Variants in CGNL1 observed in about 807,000 individuals in gnomAD.
CGNL1 encodes the protein cingulin like 1.
Under a neutral mutation model 141.2 loss-of-function variants are expected in CGNL1, and 132 were observed. The observed-to-expected ratio is 0.93, with a 90% CI of 0.81 to 1.08. The LOEUF is 1.08. Ranked by LOEUF, CGNL1 falls within the 50% of genes least tolerant of loss-of-function variation. The pLI is 0.00. For missense variants in CGNL1, 1,870 were observed against 1,588.6 expected, an observed-to-expected ratio of 1.18 and a Z score of -3.01; for synonymous variants, 690 against 622.1, an observed-to-expected ratio of 1.11 and a Z score of -1.63.
chr15:57,479,258 T>G, intron 8 of CGNL1, among the ~76,000 whole-genome samples: 1 of 150,768 alleles, frequency 6.6e-6, no homozygotes, highest in Non-Finnish European at 1.5e-5. Context: ...AGGATGGGAG[T>G]GAAAAACAGA....
chr15:57,474,186 C>T (rs527718787), intron 8 of CGNL1, among the ~76,000 whole-genome samples: 33 of 152,254 alleles, frequency 2.2e-4, no homozygotes, highest in African/African-American at 6.5e-4. Flanking sequence ...TCTGGGATTA[C>T]AGGTGTAAGC....
intron 3 of CGNL1, among the ~76,000 whole-genome samples, chr15:57,440,706 C>G (rs1278460769): frequency 6.6e-6 from 1 of 152,084 alleles, no homozygotes; most frequent in Admixed American, 6.6e-5. Context: ...AAAATGAATA[C>G]ATTTTTAAAG....
At chr15:57,480,844 C>T (rs2063716116) in intron 8 of CGNL1, among the ~76,000 whole-genome samples, 1 of 152,202 alleles carries the variant, frequency 6.6e-6, no homozygotes, top group Non-Finnish European at 1.5e-5. Flanking sequence ...CTCAGTGGAT[C>T]TGGAACCTTC....
At chr15:57,434,922 G>A (rs1265100897) in intron 1 of CGNL1, among the ~76,000 whole-genome samples, 2 of 151,856 alleles carry the variant, frequency 1.3e-5, no homozygotes, top group East Asian at 1.9e-4. Flanking sequence ...CTAACAAAGA[G>A]GAAGACATGA....
chr15:57,518,557 C>A, intron 10 of CGNL1, 60 bp downstream of exon 10: 2 of 1,131,482 alleles, frequency 1.8e-6, no homozygotes, highest in South Asian at 1.3e-5. Context: ...GACGCAACAC[C>A]AGAGGGATGT....
In CGNL1 at chr15:57,528,986, T is replaced by A. The variant is rs1193566065; in HGVS notation, c.3201+171T>A. The A allele has an allele frequency of 1.6e-5, 10 of 624,934 alleles. No homozygotes were observed. In the East Asian group the frequency reaches 2.8e-4, roughly 18 times the overall value. The allele number at this position is 624,934 out of a possible 1,614,324, so 38.7% of individuals were successfully genotyped here. A position where few individuals can be genotyped will look rare whatever the true frequency, so the allele number is the denominator to read the frequency against. ...CTTGATTGAAGGAAGGGGCCAGTCA[T>A]TTATAGACTCAGGACATCAGAGCTA... On this transcript the variant is annotated intron_variant, in intron 13 of 18. Coordinates refer to ENST00000281282, the MANE Select transcript of CGNL1 (RefSeq NM_032866.5).
At chr15:57,470,733 T>A (rs1409443462) in intron 8 of CGNL1, among the ~76,000 whole-genome samples, 1 of 152,188 alleles carries the variant, frequency 6.6e-6, no homozygotes, top group Non-Finnish European at 1.5e-5. Flanking sequence ...TCTCTAGCTT[T>A]GAGGATCTTA....
chr15:57,458,829 T>G (rs1333546073), intron 7 of CGNL1, among the ~76,000 whole-genome samples: 2 of 152,156 alleles, frequency 1.3e-5, no homozygotes, highest in Non-Finnish European at 2.9e-5. Flanking sequence ...TTTGGTGCTT[T>G]GAAAGAGCCA....
intron 1 of CGNL1, among the ~76,000 whole-genome samples, chr15:57,392,454 A>G (rs1254003514): frequency 6.6e-6 from 1 of 152,204 alleles, no homozygotes; most frequent in African/African-American, 2.4e-5. Flanking sequence ...AGTATGAATG[A>G]ATGTTTAGGT....
intron 8 of CGNL1, among the ~76,000 whole-genome samples, chr15:57,490,232 A>G (rs1320701103): frequency 2.0e-5 from 3 of 152,194 alleles, no homozygotes; most frequent in African/African-American, 7.2e-5. Context: ...GCTTTATCTT[A>G]TATTAAATGG....
chr15:57,437,787 G>A (rs918628298), intron 1 of CGNL1, among the ~76,000 whole-genome samples, 198 bp from the exon 2 acceptor site: 1 of 152,190 alleles, frequency 6.6e-6, no homozygotes, highest in East Asian at 1.9e-4. Flanking sequence ...GGCCACGTGG[G>A]CTGAAGGGCA....
At chr15:57,446,201 A>G (rs866508364) in intron 4 of CGNL1, among the ~76,000 whole-genome samples, 2 of 152,176 alleles carry the variant, frequency 1.3e-5, no homozygotes, top group African/African-American at 4.8e-5. Context: ...CTGTTTTTAT[A>G]TTGTTTTATT....
chr15:57,525,831 C>G (rs1183069376), intron 12 of CGNL1, among the ~76,000 whole-genome samples: 1 of 151,750 alleles, frequency 6.6e-6, no homozygotes, highest in Non-Finnish European at 1.5e-5. Flanking sequence ...TTATGTGATA[C>G]AGGACTCCAA....
intron 1 of CGNL1, among the ~76,000 whole-genome samples, chr15:57,410,277 G>A (rs573744413): frequency 3.9e-5 from 6 of 152,284 alleles, no homozygotes; most frequent in Admixed American, 3.3e-4. Flanking sequence ...TTTACATGTC[G>A]TTAAGTAGAT....
At chr15:57,488,308 A>G (rs746488704) in intron 8 of CGNL1, among the ~76,000 whole-genome samples, 1 of 152,136 alleles carries the variant, frequency 6.6e-6, no homozygotes, top group Non-Finnish European at 1.5e-5. Context: ...GTCTCTTAGT[A>G]CATATTTAAT....
intron 1 of CGNL1, among the ~76,000 whole-genome samples, chr15:57,383,980 G>T (rs577340454): frequency 6.9e-6 from 1 of 145,748 alleles, no homozygotes; most frequent in East Asian, 2.1e-4. Context: ...CAGGTTTGGG[G>T]CTTAAATGCA....
Position 57,452,260 on chromosome 15 carries a change from T to C in CGNL1, c.2025T>C (p.Ser675=). The change falls in exon 6 of 19, where the codon AGT becomes AGC. Residue 675 remains serine, a synonymous_variant. Transcript: ENST00000281282. ...NSTLQQRLEE[S]EGELRKNLEE... Reference sequence around the variant, plus strand: ...CATTGCAGCAACGACTGGAAGAAAGTGAAGGGGAGCTCCGGAAGAATCTGG... The same window carrying C: ...CATTGCAGCAACGACTGGAAGAAAGCGAAGGGGAGCTCCGGAAGAATCTGG... 6 of 1,613,678 alleles carry C rather than the reference T, an allele frequency of 3.7e-6. No homozygotes were observed. Among genetic ancestry groups the C allele is most frequent in the Non-Finnish European group, 5.1e-6 (6 of 1,179,818 alleles).
rs750393487 is a variant in CGNL1, at chr15:57,438,058, G to A, written c.59G>A (p.Arg20Lys). 1 of 1,614,000 alleles carries A rather than the reference G, an allele frequency of 6.2e-7. No individual in the cohort carries two copies. Among genetic ancestry groups the A allele is most frequent in the Non-Finnish European group, 8.5e-7 (1 of 1,180,008 alleles). The change falls in exon 2 of 19, where the codon AGA (arginine) becomes AAA (lysine). Residue 20 changes from arginine (R) to lysine (K), a missense_variant. By Grantham distance (26) the Arg-to-Lys change is conservative (BLOSUM62 2). Coordinates refer to ENST00000281282, the MANE Select transcript of CGNL1 (RefSeq NM_032866.5). ...CAGCAGGAATATGGGGTCCATCTGA[G>A]ACTCGCAAGTGATGATACCCAAAAA... ...HVQQEYGVHL[R>K]LASDDTQKSR...
rs2063300872 is a variant in CGNL1, at chr15:57,449,870, G to C, written c.1804-1630G>C. 3.3e-5 allele frequency among the ~76,000 whole-genome samples: 5 copies of C among 152,234 alleles called. No homozygotes were observed. In the South Asian group the frequency reaches 8.3e-4, roughly 25 times the overall value. ...CTTAGTAGTGTGCATTTTTTCCCATGCGTTTTGATGGATTGGTAGTTCATT... is the reference window on the plus strand; with the variant it reads ...CTTAGTAGTGTGCATTTTTTCCCATCCGTTTTGATGGATTGGTAGTTCATT... On this transcript the variant is annotated intron_variant, in intron 4 of 18. Transcript: ENST00000281282.
Sources: allele counts gnomAD v4.1 joint callset (sites outside exome capture counted in the v4.1 genomes callset), GRCh38; gene constraint gnomAD v4.1.1; transcripts MANE v1.5; gene names NCBI Gene and HGNC (gene_info 2026-07-23, HGNC 2026-07-21).